Variants in TP53BP1 observed in about 807,000 individuals in gnomAD.
TP53BP1 encodes the protein tumor protein p53 binding protein 1.
In TP53BP1, 61 loss-of-function variants were observed where a neutral mutation model predicts 200.8. The observed-to-expected ratio is 0.30, with a 90% CI of 0.25 to 0.38. The LOEUF (loss-of-function observed/expected upper bound fraction) is 0.38. TP53BP1 is among the 10% of genes least tolerant of loss of function. TP53BP1 has a pLI of 1.00. For synonymous variants in TP53BP1, 822 were observed against 844.3 expected (o/e 0.97, Z 0.46); for missense variants, 2,144 against 2,371.9 (o/e 0.90, Z 2.00).
chr15:43,470,108 T>A (rs779383420), intron 10 of TP53BP1, 42 bp from the exon 11 acceptor site: 3 of 1,467,332 alleles, frequency 2.0e-6, no homozygotes, highest in Non-Finnish European at 9.5e-7. Context: ...ATATCACTCA[T>A]CAATATTACT....
chr15:43,479,501 G>A lies in TP53BP1; in HGVS notation c.684C>T (p.Asn228=), dbSNP rs553990902. 49 of 1,612,520 alleles carry A rather than the reference G, an allele frequency of 3.0e-5. No individual in the cohort carries two copies. In the South Asian group the frequency reaches 4.1e-4, roughly 13 times the overall value. The change falls in exon 7 of 28, where the codon AAC becomes AAT. Residue 228 remains asparagine, a synonymous_variant. Coordinates refer to ENST00000382044, the MANE Select transcript of TP53BP1 (RefSeq NM_001141980.3). The part of the protein sequence containing the change: ...NTAIKHEEQS[N]EDIPIAEQSS... ...ACTGTTCTGCTATGGGGATATCTTCGTTGGACTGTTCTTCATGCTTAATTG... is the reference window on the plus strand; with the variant it reads ...ACTGTTCTGCTATGGGGATATCTTCATTGGACTGTTCTTCATGCTTAATTG...
chr15:43,436,132 C>T (rs993372192), intron 16 of TP53BP1, among the ~76,000 whole-genome samples: 3 of 152,008 alleles, frequency 2.0e-5, no homozygotes, highest in Non-Finnish European at 2.9e-5. Flanking sequence ...GCTGGGACTA[C>T]AGGGATGCAC....
chr15:43,475,724 T>G (rs376410847), intron 8 of TP53BP1, 30 bp from the exon 9 acceptor site: 1 of 1,612,434 alleles, frequency 6.2e-7, no homozygotes, highest in African/African-American at 1.3e-5. Flanking sequence ...GTTGCACTTC[T>G]CAGATTGACA....
At chr15:43,470,274 T>G (rs986680159) in intron 10 of TP53BP1, among the ~76,000 whole-genome samples, 1 of 152,232 alleles carries the variant, frequency 6.6e-6, no homozygotes, top group Non-Finnish European at 1.5e-5. Flanking sequence ...TCCAAGCTCC[T>G]ATTTTTAGGT....
chr15:43,472,474 T>C (rs1244972073), intron 10 of TP53BP1, among the ~76,000 whole-genome samples: 1 of 152,116 alleles, frequency 6.6e-6, no homozygotes, highest in Non-Finnish European at 1.5e-5. Flanking sequence ...AATAATGAGA[T>C]AAATTAGGTA....
At chr15:43,494,170 A>G (rs1258775340), upstream of TP53BP1, among the ~76,000 whole-genome samples, 1 of 152,196 alleles carries the variant, frequency 6.6e-6, no homozygotes, top group Non-Finnish European at 1.5e-5. Flanking sequence ...CAATAGGGAA[A>G]GCACCTAGCA....
chr15:43,452,521 C>A (rs979594580), intron 12 of TP53BP1, among the ~76,000 whole-genome samples: 1 of 148,862 alleles, frequency 6.7e-6, no homozygotes, highest in Non-Finnish European at 1.5e-5. Flanking sequence ...ATTGATGGTG[C>A]CACTGCACTC....
At chr15:43,495,177 T>C (rs997557169), upstream of TP53BP1, among the ~76,000 whole-genome samples, 5 of 149,540 alleles carry the variant, frequency 3.3e-5, no homozygotes, top group Admixed American at 6.7e-5. Context: ...GGCAAGAGAG[T>C]GAGACCCTGT....
intron 23 of TP53BP1, 173 bp downstream of exon 23, chr15:43,415,421 G>C (rs2045240756): frequency 1.4e-6 from 1 of 732,006 alleles, no homozygotes; most frequent in Non-Finnish European, 2.4e-6. Flanking sequence ...AGGGGATGGG[G>C]GAGGAGGGAT....
intron 11 of TP53BP1, 63 bp downstream of exon 11, chr15:43,469,795 T>A (rs2046678454): frequency 3.8e-6 from 5 of 1,318,018 alleles, no homozygotes; most frequent in Middle Eastern, 4.0e-4. Context: ...ATGTAAATTA[T>A]ACCCCAATAA....
chr15:43,473,480 C>T (rs924283391), intron 10 of TP53BP1, among the ~76,000 whole-genome samples: 1 of 152,058 alleles, frequency 6.6e-6, no homozygotes, highest in Non-Finnish European at 1.5e-5. Context: ...TAGCTAGATA[C>T]AGAGTGTCCA....
chr15:43,450,514 C>T (rs1430146550), intron 12 of TP53BP1, among the ~76,000 whole-genome samples: 1 of 152,206 alleles, frequency 6.6e-6, no homozygotes, highest in African/African-American at 2.4e-5. Context: ...ATCCCCTGAT[C>T]ATTATTAACT....
At chr15:43,481,458 A>AAC (rs1244632530) in intron 4 of TP53BP1, among the ~76,000 whole-genome samples, 1 of 65,218 alleles carries the variant, frequency 1.5e-5, no homozygotes, top group Non-Finnish European at 2.8e-5. Flanking sequence ...TATGTATATA[A>AAC]ATACACACAC....
At chr15:43,425,000 G>T (rs1388980365) in intron 18 of TP53BP1, among the ~76,000 whole-genome samples, 1 of 152,142 alleles carries the variant, frequency 6.6e-6, no homozygotes, top group Non-Finnish European at 1.5e-5. Context: ...ACCAGAGTGG[G>T]TCTGTTATAA....
intron 15 of TP53BP1, chr15:43,441,152 ATGCGAT>A (rs2143002139): frequency 5.9e-6 from 1 of 169,998 alleles, no homozygotes; most frequent in East Asian, 1.6e-4. Context: ...GCAGCTGAGT[ATGCGAT>A]TGCAGAAGGA....
chr15:43,422,155 A>G (rs750543988), intron 18 of TP53BP1, 29 bp from the exon 19 acceptor site: 2 of 1,603,424 alleles, frequency 1.2e-6, no homozygotes, highest in Admixed American at 1.7e-5. Context: ...TACAGAAGAT[A>G]AAAGATGCCA....
chr15:43,447,488 G>GAAAAAAAAAAA lies in TP53BP1; in HGVS notation c.2717-14_2717-4dup, dbSNP rs749575788. 4.1e-5 allele frequency: 39 copies of GAAAAAAAAAAA among 956,390 alleles called. No individual in the cohort carries two copies. Among genetic ancestry groups the GAAAAAAAAAAA allele is most frequent in the Middle Eastern group, 3.4e-4 (1 of 2,974 alleles). The allele number at this position is 956,390 out of a possible 1,614,324, so 59.2% of individuals were successfully genotyped here. On this transcript the variant is annotated splice_region_variant and splice_polypyrimidine_tract_variant and intron_variant, in intron 12 of 27. Transcript: ENST00000382044. ...CAAAGTGAAATGAAATGGGGTTTCT[G>GAAAAAAAAAAA]AAAAAAAAAAAAAAAAGAAAAAAGA...
chr15:43,497,034 G>A (rs1273501141), upstream of TP53BP1, among the ~76,000 whole-genome samples: 1 of 152,144 alleles, frequency 6.6e-6, no homozygotes, highest in African/African-American at 2.4e-5. Flanking sequence ...CTAATGCCTA[G>A]CACAATGCCA....
At chr15:43,407,843 G>A (rs906009059) in intron 27 of TP53BP1, 100 bp downstream of exon 27, 25 of 1,227,790 alleles carry the variant, frequency 2.0e-5, no homozygotes, top group South Asian at 4.5e-5. Context: ...ACATGGATAC[G>A]GTCAACCTAT....
Sources: gnomAD v4.1 joint callset for allele counts (sites outside exome capture counted in the v4.1 genomes callset) on GRCh38, gnomAD v4.1.1 for gene constraint, MANE v1.5 for transcripts, NCBI Gene and HGNC (gene_info 2026-07-23, HGNC 2026-07-21) for gene names.